NKAIN2: variants seen among roughly 807,000 people sequenced by gnomAD.
NKAIN2 encodes sodium/potassium transporting ATPase interacting 2, also known as sodium/potassium-transporting ATPase subunit beta-1-interacting protein 2.
In NKAIN2, 14 loss-of-function variants were observed where a neutral mutation model predicts 32.6. The observed-to-expected ratio is 0.43, with a 90% CI of 0.28 to 0.67. The LOEUF (loss-of-function observed/expected upper bound fraction) is 0.67. Among genes scored for constraint, NKAIN2 ranks in the 30% least tolerant of loss-of-function variants. NKAIN2 has a pLI of 0.17. For synonymous variants in NKAIN2, 80 were observed against 87.2 expected, an observed-to-expected ratio of 0.92 and a Z score of 0.46; for missense variants, 198 against 258.3, an observed-to-expected ratio of 0.77 and a Z score of 1.60.
rs1790203966 is a variant in NKAIN2 at position 124,194,418 on chromosome 6, A to T, written c.55-88587A>T. Among the ~76,000 whole-genome samples, 3 of 152,174 alleles carry T rather than the reference A, an allele frequency of 2.0e-5. No homozygotes were observed. The East Asian group carries it at 5.8e-4, about 29-fold the overall frequency. On this transcript the variant is annotated intron_variant, in intron 1 of 6. Coordinates refer to ENST00000368417, the MANE Select transcript of NKAIN2 (RefSeq NM_001040214.3). ...AATGAGCATCTTTCATTGACGGCAT[A>T]CATTTGTGTTTTTCTTTTATATCTA... is the stretch of plus-strand genomic sequence containing the variant.
chr6:124,561,369 T>C (rs1780684850), intron 3 of NKAIN2, among the ~76,000 whole-genome samples: 1 of 152,224 alleles, frequency 6.6e-6, no homozygotes, highest in Non-Finnish European at 1.5e-5. Context: ...TGCAGCCAGC[T>C]ATTATGTTAA....
chr6:123,845,750 C>T (rs1424425127), intron 1 of NKAIN2, among the ~76,000 whole-genome samples: 4 of 152,080 alleles, frequency 2.6e-5, no homozygotes, highest in Non-Finnish European at 4.4e-5. Context: ...GAACTAATCC[C>T]CCACGGATAC....
chr6:124,763,524 G>C (rs551647286), intron 4 of NKAIN2, among the ~76,000 whole-genome samples: 2 of 152,222 alleles, frequency 1.3e-5, no homozygotes, highest in South Asian at 4.1e-4. Context: ...TAGCACGAAG[G>C]GGGCAATCTG....
intron 3 of NKAIN2, among the ~76,000 whole-genome samples, chr6:124,556,826 G>T (rs1780493310): frequency 6.6e-6 from 1 of 151,908 alleles, no homozygotes; most frequent in Middle Eastern, 3.2e-3. Context: ...GTGAGGCCAG[G>T]GTAAGAATCC....
chr6:124,790,128 A>G (rs1211545677), intron 4 of NKAIN2, among the ~76,000 whole-genome samples: 1 of 152,102 alleles, frequency 6.6e-6, no homozygotes, highest in African/African-American at 2.4e-5. Flanking sequence ...GAAGATAGCT[A>G]GAATCTGCCA....
At chr6:124,135,515 TAAAAAAA>T (rs56183476) in intron 1 of NKAIN2, among the ~76,000 whole-genome samples, 1 of 100,408 alleles carries the variant, frequency 1.0e-5, no homozygotes, top group East Asian at 3.0e-4. Flanking sequence ...GCAACGATAG[TAAAAAAA>T]AAAAAAAAAA....
chr6:124,481,137 A>G (rs1269746897), intron 3 of NKAIN2, among the ~76,000 whole-genome samples: 2 of 149,946 alleles, frequency 1.3e-5, no homozygotes, highest in Non-Finnish European at 3.0e-5. Context: ...TAAACTGTTT[A>G]TTAGTCATTG....
At chr6:124,473,920 A>T (rs570093004) in intron 3 of NKAIN2, among the ~76,000 whole-genome samples, 1 of 152,176 alleles carries the variant, frequency 6.6e-6, no homozygotes, top group African/African-American at 2.4e-5. Context: ...CAGAAATTGT[A>T]TGCAAAAATA....
intron 1 of NKAIN2, among the ~76,000 whole-genome samples, chr6:124,009,306 C>T (rs1780215824): frequency 6.6e-6 from 1 of 152,094 alleles, no homozygotes; most frequent in Non-Finnish European, 1.5e-5. Flanking sequence ...AGCCACCTTG[C>T]TGTGTCATAT....
chr6:124,350,092 A>G (rs1483390141), intron 2 of NKAIN2, among the ~76,000 whole-genome samples: 1 of 152,236 alleles, frequency 6.6e-6, no homozygotes, highest in Non-Finnish European at 1.5e-5. Context: ...GCAGAAAACT[A>G]CAAGTTAGGT....
intron 1 of NKAIN2, among the ~76,000 whole-genome samples, chr6:124,141,364 A>G (rs1016927215): frequency 1.3e-5 from 2 of 152,176 alleles, no homozygotes; most frequent in Non-Finnish European, 2.9e-5. Flanking sequence ...ATAAAAGTTT[A>G]TTTTATTTCT....
chr6:124,318,245 G>A (rs138615276), intron 2 of NKAIN2, among the ~76,000 whole-genome samples: 2 of 152,022 alleles, frequency 1.3e-5, no homozygotes, highest in African/African-American at 2.4e-5. Flanking sequence ...TGCTATTTTA[G>A]TCTCATTATG....
intron 3 of NKAIN2, among the ~76,000 whole-genome samples, chr6:124,491,945 T>G (rs1403140219): frequency 1.3e-5 from 2 of 151,918 alleles, no homozygotes; most frequent in Non-Finnish European, 1.5e-5. Context: ...GAATTTAAGC[T>G]TACAACAGAA....
intron 1 of NKAIN2, among the ~76,000 whole-genome samples, chr6:124,055,477 T>C (rs1782600693): frequency 6.6e-6 from 1 of 152,046 alleles, no homozygotes; most frequent in Non-Finnish European, 1.5e-5. Context: ...CCTTGTTTTT[T>C]CTAATTACAC....
chr6:123,804,663 C>T (rs187214044), intron 1 of NKAIN2, among the ~76,000 whole-genome samples: 2 of 152,174 alleles, frequency 1.3e-5, no homozygotes, highest in Admixed American at 1.3e-4. Flanking sequence ...TTTGCAGTAT[C>T]TTTGTTTCTT....
chr6:124,044,607 A>G (rs761894023), intron 1 of NKAIN2, among the ~76,000 whole-genome samples: 23 of 152,138 alleles, frequency 1.5e-4, no homozygotes, highest in Non-Finnish European at 3.1e-4. Flanking sequence ...TTGTGATTCA[A>G]TGTACACTGT....
chr6:124,379,776 A>G (rs1772543921), intron 3 of NKAIN2, among the ~76,000 whole-genome samples: 1 of 152,194 alleles, frequency 6.6e-6, no homozygotes, highest in Non-Finnish European at 1.5e-5. Flanking sequence ...CAGGAAAGAC[A>G]TTTTGAAAGG....
At chr6:124,505,897 G>A (rs1778457001) in intron 3 of NKAIN2, among the ~76,000 whole-genome samples, 1 of 152,164 alleles carries the variant, frequency 6.6e-6, no homozygotes, top group African/African-American at 2.4e-5. Flanking sequence ...TCCCGGGCCG[G>A]GGGCGGTGGC....
chr6:123,830,857 T>C (rs1384365959), intron 1 of NKAIN2, among the ~76,000 whole-genome samples: 1 of 152,222 alleles, frequency 6.6e-6, no homozygotes, highest in Admixed American at 6.5e-5. Flanking sequence ...AATGAATCAA[T>C]CAGTGACTGA....
Sources: gnomAD v4.1 joint callset for allele counts (sites outside exome capture counted in the v4.1 genomes callset) on GRCh38, gnomAD v4.1.1 for gene constraint, MANE v1.5 for transcripts, NCBI Gene and HGNC (gene_info 2026-07-23, HGNC 2026-07-21) for gene names.